Variants in TTC3 observed in about 807,000 individuals in gnomAD.
TTC3 encodes the protein E3 ubiquitin-protein ligase TTC3.
TTC3 carries 180 observed loss-of-function variants against 249.6 expected under a neutral mutation model. The ratio of observed to expected loss-of-function variants is 0.72; its 90% CI spans 0.64 to 0.82. The LOEUF (loss-of-function observed/expected upper bound fraction) is 0.82. Ranked by LOEUF, TTC3 falls within the 40% of genes least tolerant of loss-of-function variation. The pLI is 0.00. For synonymous variants in TTC3, 717 were observed against 805.0 expected, an observed-to-expected ratio of 0.89 and a Z score of 1.85; for missense variants, 2,061 against 2,398.4, an observed-to-expected ratio of 0.86 and a Z score of 2.94.
chr21:37,184,575 C>T (rs1343448277), intron 36 of TTC3, among the ~76,000 whole-genome samples: 1 of 151,822 alleles, frequency 6.6e-6, no homozygotes, highest in Non-Finnish European at 1.5e-5. Flanking sequence ...CTGTCTCAGC[C>T]TCCCGAGTAA....
At chr21:37,119,506 T>A (rs1022137895) in intron 11 of TTC3, among the ~76,000 whole-genome samples, 4 of 152,184 alleles carry the variant, frequency 2.6e-5, no homozygotes, top group African/African-American at 9.7e-5. Context: ...TCTGGAGTTC[T>A]CCCTGTGTGC....
chr21:37,157,398 C>T (rs762989995), intron 28 of TTC3, among the ~76,000 whole-genome samples: 74 of 152,170 alleles, frequency 4.9e-4, no homozygotes, highest in Non-Finnish European at 1.5e-4. Flanking sequence ...ACCCTGTGGG[C>T]CCAGTGATGG....
chr21:37,082,817 A>G (rs1313936006), intron 1 of TTC3: 2 of 969,690 alleles, frequency 2.1e-6, no homozygotes, highest in Non-Finnish European at 1.2e-6. Flanking sequence ...CTTTATTTTA[A>G]TATTTAATTT....
chr21:37,191,965 T>C, intron 40 of TTC3, 147 bp from the exon 41 acceptor site: 1 of 540,098 alleles, frequency 1.9e-6, no homozygotes, highest in South Asian at 2.9e-5. Context: ...GGAGTTATGT[T>C]TGAAAAGGCT....
chr21:37,159,053 A>C (rs1793878), intron 28 of TTC3, among the ~76,000 whole-genome samples: 152,294 of 152,294 alleles, frequency 1, 76,147 homozygotes, highest in Non-Finnish European at 1. Context: ...TTTAGTTTTA[A>C]TTGCAGATTA....
chr21:37,094,960 C>T (rs2147715602), intron 8 of TTC3, among the ~76,000 whole-genome samples: 1 of 152,040 alleles, frequency 6.6e-6, no homozygotes, highest in East Asian at 1.9e-4. Flanking sequence ...ATAGCAAGAC[C>T]TGGTCTCTAC....
intron 34 of TTC3, among the ~76,000 whole-genome samples, chr21:37,171,534 T>A (rs962417578): frequency 2.0e-5 from 3 of 152,202 alleles, no homozygotes; most frequent in African/African-American, 7.2e-5. Flanking sequence ...ATTTGGGGCA[T>A]GTAAATTCAT....
At chr21:37,091,265 C>T in intron 6 of TTC3, 28 bp from the exon 7 acceptor site, 1 of 1,597,778 alleles carries the variant, frequency 6.3e-7, no homozygotes, top group Non-Finnish European at 8.5e-7. Flanking sequence ...TAACCAAAGC[C>T]CCATTCTTCA....
intron 17 of TTC3, among the ~76,000 whole-genome samples, chr21:37,133,655 G>C (rs1003349983): frequency 6.6e-6 from 1 of 152,076 alleles, no homozygotes; most frequent in South Asian, 2.1e-4. Flanking sequence ...ATATGATTTC[G>C]GCCTGCTCTG....
intron 10 of TTC3, among the ~76,000 whole-genome samples, chr21:37,102,013 TTATA>T (rs2074559913): frequency 6.9e-6 from 1 of 144,192 alleles, no homozygotes; most frequent in Non-Finnish European, 1.5e-5. Flanking sequence ...ATTTTAAAGA[TTATA>T]TATACCTATG....
intron 16 of TTC3, among the ~76,000 whole-genome samples, chr21:37,131,836 T>C (rs1211717037): frequency 6.6e-6 from 1 of 152,226 alleles, no homozygotes; most frequent in Non-Finnish European, 1.5e-5. Flanking sequence ...ATCTACACAT[T>C]GGATGTCAGA....
intron 38 of TTC3, 108 bp from the exon 39 acceptor site, chr21:37,188,387 C>T (rs112825020): frequency 1.5e-5 from 11 of 727,298 alleles, no homozygotes; most frequent in African/African-American, 1.1e-4. Flanking sequence ...TGTCATGCTT[C>T]ATTTAAGGAG....
At chr21:37,140,238 A>T (rs2078315420) in intron 19 of TTC3, among the ~76,000 whole-genome samples, 1 of 152,098 alleles carries the variant, frequency 6.6e-6, no homozygotes, top group African/African-American at 2.4e-5. Flanking sequence ...GCCTTTTTTA[A>T]AAAACAAAAA....
chr21:37,162,316 A>C (rs1177154190), intron 31 of TTC3, among the ~76,000 whole-genome samples: 1 of 152,234 alleles, frequency 6.6e-6, no homozygotes, highest in Non-Finnish European at 1.5e-5. Context: ...CATATTGAGA[A>C]CCTACCATGT....
rs149494467 is a variant in TTC3, at chr21:37,132,698, A to C, written c.1375A>C (p.Thr459Pro). 2.2e-4 allele frequency: 356 copies of C among 1,606,426 alleles called. 2 individuals are homozygous for C. The African/African-American group carries it at 3.8e-3, about 17-fold the overall frequency. ...TTCTTTTAGTTCTAGTTCACCATTG[A>C]CTTTACCAGCAGATTTGAAGAACAT... The change falls in exon 17 of 46, where the codon ACT becomes CCT. Residue 459 changes from threonine to proline, a missense_variant. Around this residue, in one of 3 missense-constraint regions of TTC3, gnomAD observed 989 missense variants for 1,145.1 expected, o/e 0.86. Coordinates refer to ENST00000355666, the Ensembl canonical transcript of TTC3.
intron 36 of TTC3, among the ~76,000 whole-genome samples, chr21:37,184,485 G>C (rs8128387): frequency 0.53 from 80,528 of 151,030 alleles, 22,035 homozygotes; most frequent in African/African-American, 0.64. Context: ...ACAGAGTTTT[G>C]CTTTTGTCAC....
exon 46 of TTC3, chr21:37,202,674 C>T (rs2085602463): frequency 6.6e-6 from 1 of 152,228 alleles, no homozygotes; most frequent in Admixed American, 6.5e-5. Flanking sequence ...GACTTTTAGA[C>T]AGTGGTAAAT....
chr21:37,112,021 C>G (rs1056332733), intron 11 of TTC3, among the ~76,000 whole-genome samples: 1 of 151,822 alleles, frequency 6.6e-6, no homozygotes, highest in Non-Finnish European at 1.5e-5. Flanking sequence ...ACACAACATA[C>G]CAGAATCTCT....
chr21:37,156,628 C>G, intron 27 of TTC3, 27 bp from the exon 28 acceptor site: 1 of 1,582,008 alleles, frequency 6.3e-7, no homozygotes, highest in South Asian at 1.2e-5. Flanking sequence ...CCCTCCTCTT[C>G]TGATTTGGGT....
Sources: allele counts gnomAD v4.1 joint callset (sites outside exome capture counted in the v4.1 genomes callset), GRCh38; gene constraint gnomAD v4.1.1; regional missense constraint gnomAD v4.1.1; transcripts MANE v1.5; gene names NCBI Gene and HGNC (gene_info 2026-07-23, HGNC 2026-07-21).